The following ADAMTS20 variants were observed in gnomAD, a reference collection of about 807,000 sequenced individuals.
The protein encoded by ADAMTS20 is A disintegrin and metalloproteinase with thrombospondin motifs 20.
In ADAMTS20, 225 loss-of-function variants were observed where a neutral mutation model predicts 260.1. That is an observed-to-expected ratio of 0.87 (90% CI 0.78 to 0.97). ADAMTS20 has a LOEUF of 0.97. Among genes scored for constraint, ADAMTS20 ranks in the 50% least tolerant of loss-of-function variants. The pLI, the probability that ADAMTS20 is intolerant of heterozygous loss-of-function variation, is 0.00. For missense variants in ADAMTS20, 2,400 were observed against 2,337.7 expected (o/e 1.03, Z -0.55); for synonymous variants, 802 against 769.5 (o/e 1.04, Z -0.70).
chr12:43,482,291 G>T (rs868270469), intron 7 of ADAMTS20, among the ~76,000 whole-genome samples: 1 of 152,230 alleles, frequency 6.6e-6, no homozygotes, highest in South Asian at 2.1e-4. Flanking sequence ...GAAGTGTGTT[G>T]TCACCACGGG....
chr12:43,392,346 T>C (rs1940613591), intron 29 of ADAMTS20, among the ~76,000 whole-genome samples: 1 of 152,142 alleles, frequency 6.6e-6, no homozygotes, highest in South Asian at 2.1e-4. Flanking sequence ...AAACACAGTT[T>C]AGCAAGAAGT....
chr12:43,432,515 T>A, intron 20 of ADAMTS20, 47 bp from the exon 21 acceptor site: 1 of 1,592,090 alleles, frequency 6.3e-7, no homozygotes, highest in Non-Finnish European at 8.5e-7. Flanking sequence ...AAATCAGATT[T>A]TCAACAAAAT....
chr12:43,552,043 C>T lies in ADAMTS20; in HGVS notation c.-122G>A. 1 of 815,648 alleles carries T rather than the reference C, an allele frequency of 1.2e-6. No individual in the cohort carries two copies. Among genetic ancestry groups the T allele is most frequent in the Non-Finnish European group, 2.0e-6 (1 of 497,876 alleles). The allele number at this position is 815,648 out of a possible 1,614,324, so 50.5% of individuals were successfully genotyped here. Reference sequence around the variant, plus strand: ...CCGCCGCTCTCCGCGCCTCAGCAGCCTAGGGAACAGCAGCGCGGGCCCTGG... The same window carrying T: ...CCGCCGCTCTCCGCGCCTCAGCAGCTTAGGGAACAGCAGCGCGGGCCCTGG... On this transcript the variant is annotated 5_prime_UTR_variant, in exon 1 of 39. Transcript: ENST00000389420.
intron 3 of ADAMTS20, among the ~76,000 whole-genome samples, chr12:43,515,666 T>C (rs973740374): frequency 6.6e-6 from 1 of 152,168 alleles, no homozygotes; most frequent in African/African-American, 2.4e-5. Context: ...ATTAAAAGAT[T>C]GTCACTAAAT....
chr12:43,537,285 G>A (rs972930863), intron 2 of ADAMTS20, among the ~76,000 whole-genome samples: 1 of 151,720 alleles, frequency 6.6e-6, no homozygotes, highest in Non-Finnish European at 1.5e-5. Context: ...GAACTCCTGA[G>A]TTCAAGTGGT....
chr12:43,446,587 C>T lies in ADAMTS20; in HGVS notation c.2197+8G>A. On this transcript the variant is annotated splice_region_variant and intron_variant, in intron 15 of 38. Coordinates refer to ENST00000389420, the MANE Select transcript of ADAMTS20 (RefSeq NM_025003.5). The stretch of plus-strand genomic sequence containing the variant: ...AAAGCGAAATCTAGAAACAAATACA[C>T]AACTTACCATAATGAGAACTGTTGA... 1 of 1,606,070 alleles carries T rather than the reference C, an allele frequency of 6.2e-7. No homozygotes were observed. The highest frequency in any genetic ancestry group is 8.5e-7 in the Non-Finnish European group (1 of 1,173,386).
intron 29 of ADAMTS20, among the ~76,000 whole-genome samples, chr12:43,385,527 C>T (rs1456253892): frequency 6.6e-6 from 1 of 152,144 alleles, no homozygotes; most frequent in African/African-American, 2.4e-5. Flanking sequence ...TTTGCCCATG[C>T]CTATGTCCTG....
In ADAMTS20 at chr12:43,512,158, A is replaced by G. The variant is rs1421699172; in HGVS notation, c.614-9753T>C. On this transcript the variant is annotated intron_variant, in intron 3 of 38. Transcript: ENST00000389420. The stretch of plus-strand genomic sequence containing the variant: ...AAAACCCTATGAGGTAAGTACTATT[A>G]TTATCGTCATTTTATATATGAGGAT... Among the ~76,000 whole-genome samples the G allele has an allele frequency of 3.3e-5, 5 of 151,192 alleles. No individual in the cohort carries two copies. The South Asian group carries it at 8.3e-4, about 25-fold the overall frequency.
chr12:43,471,533 G>A (rs1373396472), intron 7 of ADAMTS20, among the ~76,000 whole-genome samples: 19 of 125,136 alleles, frequency 1.5e-4, no homozygotes, highest in South Asian at 3.1e-4. Flanking sequence ...TCTGGGGGCA[G>A]GGCACAGACA....
At chr12:43,410,703 A>G (rs1018225814) in intron 28 of ADAMTS20, among the ~76,000 whole-genome samples, 4 of 152,092 alleles carry the variant, frequency 2.6e-5, no homozygotes, top group African/African-American at 9.7e-5. Flanking sequence ...GATTACTTCT[A>G]GGGGAGGAAA....
chr12:43,434,426 T>C, intron 18 of ADAMTS20, 55 bp from the exon 19 acceptor site: 1 of 1,508,516 alleles, frequency 6.6e-7, no homozygotes, highest in Non-Finnish European at 8.9e-7. Context: ...CAGTTAGATG[T>C]TCCATAATTA....
intron 4 of ADAMTS20, among the ~76,000 whole-genome samples, chr12:43,501,469 G>GCACA (rs1474415285): frequency 4.8e-5 from 2 of 42,054 alleles, no homozygotes; most frequent in South Asian, 9.2e-4. Context: ...ATACGCGCGC[G>GCACA]CGCGCGCGCG....
At chr12:43,400,444 T>G (rs1469941422) in intron 28 of ADAMTS20, among the ~76,000 whole-genome samples, 1 of 152,058 alleles carries the variant, frequency 6.6e-6, no homozygotes, top group African/African-American at 2.4e-5. Flanking sequence ...AATAATGCAT[T>G]GATTATTAAG....
Position 43,551,262 on chromosome 12 carries a change from C to T in ADAMTS20, c.100G>A (p.Val34Met). The T allele has an allele frequency of 6.2e-7, 1 of 1,610,400 alleles. No homozygotes were observed. Among genetic ancestry groups the T allele is most frequent in the Non-Finnish European group, 8.5e-7 (1 of 1,177,194 alleles). Residue 34 changes from valine to methionine, a missense_variant, in exon 2 of 39, where the codon GTG (valine) becomes ATG (methionine). Transcript: ENST00000389420. The surrounding 1 kb of genome is among the most constrained non-coding windows in gnomAD (Gnocchi z 4.6). ...ACTTCGTAGGAGGTCAGTGTCCTCA[C>T]CAGGGCTTCTGCAACAACAGCGACA... ...VDFHPRQEALVRTLTSYEVVI... is the reference protein window; with the variant it reads ...VDFHPRQEALMRTLTSYEVVI...
At chr12:43,480,474 G>T (rs1942424594) in intron 7 of ADAMTS20, among the ~76,000 whole-genome samples, 1 of 152,098 alleles carries the variant, frequency 6.6e-6, no homozygotes, top group Non-Finnish European at 1.5e-5. Flanking sequence ...TCATATGGTA[G>T]TTCTATTTTC....
At position 43,495,696 on chromosome 12, in the gene ADAMTS20, A is replaced by C. The variant is rs189046546; in HGVS notation, c.868-2443T>G. 7.7e-4 allele frequency among the ~76,000 whole-genome samples: 118 copies of C among 152,296 alleles called. 1 individual carries two copies. The highest frequency in any genetic ancestry group is 2.8e-3 in the African/African-American group (116 of 41,582). ...CTTACTAAATATACAGAGCCAAACA[A>C]GGCATAATCTCTGCCCTTAACTCAC... is the stretch of plus-strand genomic sequence containing the variant. On this transcript the variant is annotated intron_variant, in intron 4 of 38. Transcript: ENST00000389420.
At chr12:43,378,470 A>G (rs1315806504) in intron 31 of ADAMTS20, among the ~76,000 whole-genome samples, 2 of 152,226 alleles carry the variant, frequency 1.3e-5, no homozygotes, top group Non-Finnish European at 2.9e-5. Flanking sequence ...GGAAATAGGT[A>G]AAGTACTCAA....
chr12:43,454,585 T>G (rs1325680645), intron 11 of ADAMTS20, among the ~76,000 whole-genome samples: 1 of 152,220 alleles, frequency 6.6e-6, no homozygotes, highest in African/African-American at 2.4e-5. Flanking sequence ...TCAGCCTTGC[T>G]ACCTGTTAGC....
chr12:43,364,525 A>G lies in ADAMTS20; in HGVS notation c.5538+4765T>C, dbSNP rs536238772. Among the ~76,000 whole-genome samples, 5 of 152,320 alleles carry G rather than the reference A, an allele frequency of 3.3e-5. 1 individual carries two copies. The highest frequency in any genetic ancestry group is 1.2e-4 in the African/African-American group (5 of 41,584). On this transcript the variant is annotated intron_variant, in intron 37 of 38. Transcript: ENST00000389420. ...AGAGAATAACAATAAAGATGAAGATATCATATTTTACAAAGAGTCAAAGGA... is the reference window on the plus strand; with the variant it reads ...AGAGAATAACAATAAAGATGAAGATGTCATATTTTACAAAGAGTCAAAGGA...
Sources: allele counts gnomAD v4.1 joint callset (sites outside exome capture counted in the v4.1 genomes callset), GRCh38; gene constraint gnomAD v4.1.1; non-coding constraint Gnocchi (gnomAD v3.1); transcripts MANE v1.5; gene names NCBI Gene and HGNC (gene_info 2026-07-23, HGNC 2026-07-21).